The following C1orf87 variants were observed in gnomAD, a reference collection of about 807,000 sequenced individuals.
C1orf87 encodes uncharacterized protein C1orf87.
In C1orf87, 58 loss-of-function variants were observed where a neutral mutation model predicts 60.5. The observed-to-expected ratio is 0.96, with a 90% CI of 0.78 to 1.19. The LOEUF is 1.19. Ranked by LOEUF, C1orf87 falls within the 50% of genes most tolerant of loss-of-function variation. The pLI is 0.00. For synonymous variants in C1orf87, 236 were observed against 227.4 expected, an observed-to-expected ratio of 1.04 and a Z score of -0.34; for missense variants, 673 against 638.6, an observed-to-expected ratio of 1.05 and a Z score of -0.58.
At position 60,025,420 on chromosome 1, in the gene C1orf87, C is replaced by A; in HGVS notation, c.1108G>T (p.Gly370Cys). 6.2e-7 allele frequency: 1 copy of A among 1,612,602 alleles called. No homozygotes were observed. The highest frequency in any genetic ancestry group is 8.5e-7 in the Non-Finnish European group (1 of 1,179,252). The change falls in exon 8 of 12, where the codon GGT becomes TGT. Residue 370 changes from glycine to cysteine, a missense_variant. Coordinates refer to ENST00000371201, the MANE Select transcript of C1orf87 (RefSeq NM_152377.3). ...ACTTACTTTATTTCATTTTGGTAAC[C>A]CAAATCTTGATGGTTAAGCAATGTT... is the stretch of plus-strand genomic sequence containing the variant. ...LETLLNHQDLGYQNEIKWQNF... is the reference protein window; with the variant it reads ...LETLLNHQDLCYQNEIKWQNF...
intron 11 of C1orf87, 103 bp from the exon 12 acceptor site, chr1:59,990,936 C>A: frequency 1.7e-6 from 2 of 1,162,684 alleles, no homozygotes; most frequent in Non-Finnish European, 2.4e-6. Flanking sequence ...AGACTAAATG[C>A]TAATACTTTG....
At chr1:60,040,290 T>A in intron 4 of C1orf87, 110 bp from the exon 5 acceptor site, 1 of 1,393,584 alleles carries the variant, frequency 7.2e-7, no homozygotes, top group African/African-American at 1.4e-5. Flanking sequence ...CCACTCGCAG[T>A]CCTGGCCTGG....
intron 9 of C1orf87, among the ~76,000 whole-genome samples, chr1:60,002,665 T>C (rs1645014107): frequency 6.6e-6 from 1 of 152,114 alleles, no homozygotes; most frequent in South Asian, 2.1e-4. Context: ...TTTTGTCTTT[T>C]GTTGCCATTG....
chr1:60,038,959 T>C (rs1009615573), intron 5 of C1orf87, among the ~76,000 whole-genome samples: 7 of 152,200 alleles, frequency 4.6e-5, no homozygotes, highest in African/African-American at 1.7e-4. Flanking sequence ...GAAAATTTGG[T>C]TGAACTGAAT....
chr1:60,012,189 CACAAA>C (rs1645090371), intron 8 of C1orf87, among the ~76,000 whole-genome samples: 1 of 147,046 alleles, frequency 6.8e-6, no homozygotes, highest in Non-Finnish European at 1.5e-5. Context: ...AAAAAAAAAA[CACAAA>C]ACAACAACAA....
chr1:60,043,197 C>G (rs1373617233), intron 3 of C1orf87, among the ~76,000 whole-genome samples: 3 of 152,282 alleles, frequency 2.0e-5, no homozygotes, highest in Middle Eastern at 3.4e-3. Flanking sequence ...AATGAATTAC[C>G]TTTAGCCTTG....
chr1:60,003,726 T>C (rs2100246381), intron 9 of C1orf87, among the ~76,000 whole-genome samples: 1 of 152,182 alleles, frequency 6.6e-6, no homozygotes, highest in South Asian at 2.1e-4. Flanking sequence ...GCACCCCTCA[T>C]TAGAATTAAA....
chr1:60,023,548 T>G (rs890978845), intron 8 of C1orf87, among the ~76,000 whole-genome samples: 1 of 152,178 alleles, frequency 6.6e-6, no homozygotes, highest in African/African-American at 2.4e-5. Context: ...TTTTAGATTT[T>G]ATAGAAAAAA....
intron 2 of C1orf87, among the ~76,000 whole-genome samples, chr1:60,062,564 ATTTCT>A (rs1557480761): frequency 6.6e-6 from 1 of 152,110 alleles, no homozygotes; most frequent in Admixed American, 6.6e-5. Context: ...TACTGTTTAC[ATTTCT>A]TTTATTATCC....
intron 8 of C1orf87, among the ~76,000 whole-genome samples, chr1:60,017,672 T>C (rs896870534): frequency 2.0e-5 from 3 of 152,174 alleles, no homozygotes; most frequent in Non-Finnish European, 4.4e-5. Context: ...TAATTCTGAT[T>C]TACATGTTCC....
intron 9 of C1orf87, among the ~76,000 whole-genome samples, chr1:60,003,359 A>ATC (rs1645020881): frequency 2.0e-5 from 3 of 151,654 alleles, no homozygotes; most frequent in Non-Finnish European, 2.9e-5. Context: ...ATCAGGAGAT[A>ATC]TACCTAATGA....
intron 11 of C1orf87, among the ~76,000 whole-genome samples, chr1:59,996,819 G>A (rs1644966526): frequency 1.3e-5 from 2 of 152,186 alleles, no homozygotes; most frequent in Middle Eastern, 3.4e-3. Flanking sequence ...GGTTATTTAC[G>A]CACACTGGCT....
intron 2 of C1orf87, among the ~76,000 whole-genome samples, chr1:60,070,500 A>G (rs927262918): frequency 1.1e-4 from 16 of 152,210 alleles, no homozygotes; most frequent in Non-Finnish European, 1.9e-4. Context: ...CATGAATGAC[A>G]TGATAGTGGC....
rs556723418 is a variant in C1orf87, at chr1:60,056,257, A to T, written c.108-819T>A. On this transcript the variant is annotated intron_variant, in intron 2 of 11. Transcript: ENST00000371201. The stretch of plus-strand genomic sequence containing the variant: ...CTAAAAAAATAAAAAATAAAAAAAT[A>T]ATGGAAAGTCTTACAAATCAAAACA... Among the ~76,000 whole-genome samples the T allele has an allele frequency of 1.2e-4, 19 of 152,068 alleles. No homozygotes were observed. The South Asian group carries it at 1.9e-3, about 15-fold the overall frequency.
In C1orf87 at chr1:60,025,501, A is replaced by G; in HGVS notation, c.1030-3T>C. 6.3e-7 allele frequency: 1 copy of G among 1,580,262 alleles called. No individual in the cohort carries two copies. The highest frequency in any genetic ancestry group is 1.7e-4 in the Middle Eastern group (1 of 5,902). On this transcript the variant is annotated splice_region_variant and splice_polypyrimidine_tract_variant and intron_variant, in intron 7 of 11. Coordinates refer to ENST00000371201, the MANE Select transcript of C1orf87 (RefSeq NM_152377.3). ...TGCTTCCCACATATAGCCCTGACCT[A>G]CAAGTTAAAAAAAAATAAAAAAGAT...
At chr1:60,064,042 G>A (rs969561696) in intron 2 of C1orf87, among the ~76,000 whole-genome samples, 3 of 151,748 alleles carry the variant, frequency 2.0e-5, no homozygotes, top group African/African-American at 7.3e-5. Flanking sequence ...TATAGAGCAG[G>A]CAGAAAAATG....
intron 3 of C1orf87, among the ~76,000 whole-genome samples, chr1:60,046,628 G>A (rs1193316547): frequency 6.6e-6 from 1 of 151,662 alleles, no homozygotes; most frequent in Non-Finnish European, 1.5e-5. Flanking sequence ...TGTAGAGATA[G>A]GTTCTTGCTA....
chr1:60,011,039 C>T (rs17119989), intron 8 of C1orf87: 26,407 of 151,822 alleles, frequency 0.17, 2,453 homozygotes, highest in African/African-American at 0.21. Flanking sequence ...CAGAAAGGTT[C>T]TTTCTAGCCT....
At chr1:60,065,987 C>T (rs1193084454) in intron 2 of C1orf87, among the ~76,000 whole-genome samples, 1 of 152,098 alleles carries the variant, frequency 6.6e-6, no homozygotes, top group East Asian at 1.9e-4. Flanking sequence ...ACTGTAGTCT[C>T]TAATGTGTGC....
Sources: gnomAD v4.1 joint callset for allele counts (sites outside exome capture counted in the v4.1 genomes callset) on GRCh38, gnomAD v4.1.1 for gene constraint, MANE v1.5 for transcripts, NCBI Gene and HGNC (gene_info 2026-07-23, HGNC 2026-07-21) for gene names.